PIBF1: variants seen among roughly 807,000 people sequenced by gnomAD.
PIBF1 encodes progesterone immunomodulatory binding factor 1.
In PIBF1, 90 loss-of-function variants were observed where a neutral mutation model predicts 112.5. The ratio of observed to expected loss-of-function variants is 0.80; its 90% CI spans 0.67 to 0.95. The LOEUF is 0.95. Ranked by LOEUF, PIBF1 falls within the 40% of genes least tolerant of loss-of-function variation. PIBF1 has a pLI of 0.00. For missense variants in PIBF1, 915 were observed against 852.3 expected (o/e 1.07, Z -0.92); for synonymous variants, 301 against 288.6 (o/e 1.04, Z -0.44).
At chr13:72,952,950 G>C (rs1382314394) in intron 14 of PIBF1, among the ~76,000 whole-genome samples, 1 of 151,794 alleles carries the variant, frequency 6.6e-6, no homozygotes, top group Non-Finnish European at 1.5e-5. Flanking sequence ...CTTGAGGCCA[G>C]TAGGAGGTGC....
chr13:72,862,205 A>G (rs943327012), intron 10 of PIBF1, among the ~76,000 whole-genome samples: 1 of 152,356 alleles, frequency 6.6e-6, no homozygotes, highest in South Asian at 2.1e-4. Context: ...TGGGAAGAGG[A>G]TGGGAAACAG....
At chr13:72,870,025 AT>A (rs1358482815) in intron 10 of PIBF1, among the ~76,000 whole-genome samples, 1 of 152,102 alleles carries the variant, frequency 6.6e-6, no homozygotes, top group Non-Finnish European at 1.5e-5. Context: ...ACTTTTATGA[AT>A]TTTTAATTGC....
At chr13:72,946,022 G>GA (rs893670333) in intron 14 of PIBF1, among the ~76,000 whole-genome samples, 39 of 152,252 alleles carry the variant, frequency 2.6e-4, no homozygotes, top group African/African-American at 8.2e-4. Flanking sequence ...AGGCCTGAAA[G>GA]AAGCTCTCCA....
intron 10 of PIBF1, among the ~76,000 whole-genome samples, chr13:72,882,656 G>A (rs1455987658): frequency 1.3e-5 from 2 of 152,138 alleles, no homozygotes; most frequent in East Asian, 3.9e-4. Context: ...TCAGAAGAAG[G>A]CATACGTATG....
rs538210838 is a variant in PIBF1 at position 72,975,915 on chromosome 13, T to G, written c.2049+2240T>G. On this transcript the variant is annotated intron_variant, in intron 16 of 17. Transcript: ENST00000326291. ...TGACCATTCAGCCATATCAACTACA[T>G]TTTTTTAAAGCTAGATATTAATTTT... Among the ~76,000 whole-genome samples, 616 of 152,142 alleles carry G rather than the reference T, an allele frequency of 4.0e-3. 8 individuals carry two copies. Among genetic ancestry groups the G allele is most frequent in the Non-Finnish European group, 5.1e-3 (348 of 67,994 alleles).
At chr13:72,943,508 C>G (rs7327582) in intron 14 of PIBF1, among the ~76,000 whole-genome samples, 2,192 of 152,212 alleles carry the variant, frequency 0.014, 62 homozygotes, top group African/African-American at 0.049. Flanking sequence ...TTTAAAAGTT[C>G]CCTATCCAAA....
rs989201437 is a variant in PIBF1, at chr13:72,968,301, T to C, written c.1964+2897T>C. Among the ~76,000 whole-genome samples, 3 of 140,434 alleles carry C rather than the reference T, an allele frequency of 2.1e-5. No individual in the cohort carries two copies. In the East Asian group the frequency reaches 6.2e-4, roughly 29 times the overall value. 92.1% of individuals were successfully genotyped at this position (140,434 alleles called of 152,430 possible). ...TGTTGTTGTTGTTGTTGTTCTTTTT[T>C]TTCTTTTCTTTTCTTTGAGACGGAG... On this transcript the variant is annotated intron_variant, in intron 15 of 17. Coordinates refer to ENST00000326291, the MANE Select transcript of PIBF1 (RefSeq NM_006346.4).
chr13:72,785,509 C>T (rs747374339), intron 2 of PIBF1, among the ~76,000 whole-genome samples: 1 of 152,150 alleles, frequency 6.6e-6, no homozygotes, highest in Non-Finnish European at 1.5e-5. Context: ...AGTGATAGAG[C>T]CAGATAGGAT....
Position 72,924,726 on chromosome 13 carries a change from AAAG to A in PIBF1, c.1731-6434_1731-6432del, listed in dbSNP as rs1269010016. ...AGTGAGACCCTGCCAGAAAAAAAAA[AAAG>A]AAGATTTATTAAGTACCTACTCTGA... On this transcript the variant is annotated intron_variant, in intron 13 of 17. Transcript: ENST00000326291. 7.2e-5 allele frequency among the ~76,000 whole-genome samples: 11 copies of A among 152,336 alleles called. No homozygotes were observed. In the East Asian group the frequency reaches 1.4e-3, roughly 19 times the overall value.
chr13:73,006,060 C>T (rs1275631701), intron 17 of PIBF1, among the ~76,000 whole-genome samples: 1 of 145,042 alleles, frequency 6.9e-6, no homozygotes, highest in East Asian at 2.1e-4. Context: ...GCTGGGATTA[C>T]AGGGACGCAC....
In PIBF1 at chr13:72,908,686, G is replaced by A. The variant is rs1255927256; in HGVS notation, c.1639+5G>A. 6.2e-7 allele frequency: 1 copy of A among 1,608,040 alleles called. No individual in the cohort carries two copies. Among genetic ancestry groups the A allele is most frequent in the African/African-American group, 1.3e-5 (1 of 74,620 alleles). On this transcript the variant is annotated splice_donor_5th_base_variant and intron_variant, in intron 12 of 17. Coordinates refer to ENST00000326291, the MANE Select transcript of PIBF1 (RefSeq NM_006346.4). Reference sequence around the variant, plus strand: ...TAATAATGCAAACTGCAGAAAGTAAGTCTTCCCCCACACACACATGCACAA... The same window carrying A: ...TAATAATGCAAACTGCAGAAAGTAAATCTTCCCCCACACACACATGCACAA...
chr13:72,965,295 T>G lies in PIBF1; in HGVS notation c.1855T>G (p.Leu619Val). ...TTAGCTTGACAGAGCCAATTCGCTA[T>G]TAAACCAGACTCAACAGCCTTACAG... is the stretch of plus-strand genomic sequence containing the variant. ...SQELDRANSL[L>V]NQTQQPYRYL... Residue 619 changes from leucine to valine, a missense_variant, in exon 15 of 18, where the codon TTA becomes GTA. Coordinates refer to ENST00000326291, the MANE Select transcript of PIBF1 (RefSeq NM_006346.4). 1 of 1,611,380 alleles carries G rather than the reference T, an allele frequency of 6.2e-7. No individual in the cohort carries two copies. The highest frequency in any genetic ancestry group is 2.2e-5 in the East Asian group (1 of 44,798).
intron 13 of PIBF1, among the ~76,000 whole-genome samples, chr13:72,927,964 T>TATATATATATACATATATATATATAC (rs1555316876): frequency 1.2e-5 from 1 of 82,152 alleles, no homozygotes; most frequent in East Asian, 3.1e-4. Context: ...TATATACACA[T>TATATATATATACATATATATATATAC]ATATATATAT....
At chr13:73,014,114 C>T (rs9600059) in intron 17 of PIBF1, among the ~76,000 whole-genome samples, 2,799 of 142,162 alleles carry the variant, frequency 0.02, 36 homozygotes, top group Middle Eastern at 0.034. Context: ...GCTGGGACTA[C>T]AGGCGCATGC....
At chr13:72,840,554 T>C (rs2037564284) in intron 9 of PIBF1, among the ~76,000 whole-genome samples, 1 of 151,322 alleles carries the variant, frequency 6.6e-6, no homozygotes, top group Non-Finnish European at 1.5e-5. Flanking sequence ...GACGGAGTCT[T>C]GCTCTGTCAC....
At chr13:73,002,843 G>A (rs2139038060) in intron 17 of PIBF1, among the ~76,000 whole-genome samples, 1 of 152,098 alleles carries the variant, frequency 6.6e-6, no homozygotes, top group African/African-American at 2.4e-5. Flanking sequence ...AATTATTCAG[G>A]TGTGGTGGTG....
chr13:72,905,077 TTTTG>T (rs1167976957), intron 11 of PIBF1, among the ~76,000 whole-genome samples: 1 of 92,324 alleles, frequency 1.1e-5, no homozygotes, highest in Admixed American at 1.2e-4. Flanking sequence ...TTTTTTTTTT[TTTTG>T]GAGACAGAGT....
intron 5 of PIBF1, among the ~76,000 whole-genome samples, chr13:72,815,684 C>T (rs1475750015): frequency 6.6e-6 from 1 of 152,042 alleles, no homozygotes; most frequent in Non-Finnish European, 1.5e-5. Flanking sequence ...TCTATATTTC[C>T]AGACAAGGTC....
At chr13:72,944,643 A>G (rs2042101579) in intron 14 of PIBF1, among the ~76,000 whole-genome samples, 1 of 152,168 alleles carries the variant, frequency 6.6e-6, no homozygotes, top group African/African-American at 2.4e-5. Context: ...TTTAATTAAG[A>G]CAAGTATTCA....
Sources: allele counts gnomAD v4.1 joint callset (sites outside exome capture counted in the v4.1 genomes callset), GRCh38; gene constraint gnomAD v4.1.1; transcripts MANE v1.5; gene names NCBI Gene and HGNC (gene_info 2026-07-23, HGNC 2026-07-21).